Variants in SRD5A2 observed in about 807,000 individuals in gnomAD.
The protein encoded by SRD5A2 is 3-oxo-5-alpha-steroid 4-dehydrogenase 2.
A neutral mutation model predicts 27.4 loss-of-function variants in SRD5A2; 30 were observed. The observed-to-expected ratio is 1.10, with a 90% CI of 0.82 to 1.49. The LOEUF (loss-of-function observed/expected upper bound fraction) is 1.49. Ranked by LOEUF, SRD5A2 falls within the 40% of genes most tolerant of loss-of-function variation. The pLI, the probability that SRD5A2 is intolerant of heterozygous loss-of-function variation, is 0.00. For synonymous variants in SRD5A2, 141 were observed against 133.6 expected, an observed-to-expected ratio of 1.06 and a Z score of -0.38; for missense variants, 348 against 323.4, an observed-to-expected ratio of 1.08 and a Z score of -0.58.
chr2:31,630,003 C>T, the SRD5A2 span, among the ~76,000 whole-genome samples: 2 of 152,192 alleles, frequency 1.3e-5, no homozygotes, highest in South Asian at 2.1e-4. Flanking sequence ...TGGTGTCCCT[C>T]TCAATTTAGG....
chr2:31,549,377 G>T (rs1158956829), intron 1 of SRD5A2, among the ~76,000 whole-genome samples: 1 of 151,866 alleles, frequency 6.6e-6, no homozygotes, highest in African/African-American at 2.4e-5. Flanking sequence ...CTTCCAAAGT[G>T]CTGGGATTAC....
At chr2:31,649,380 C>T in the SRD5A2 span, among the ~76,000 whole-genome samples, 1 of 152,170 alleles carries the variant, frequency 6.6e-6, no homozygotes, top group Non-Finnish European at 1.5e-5. Flanking sequence ...AAGCAATTGA[C>T]ACCCAACACC....
At chr2:31,623,903 A>G in the SRD5A2 span, among the ~76,000 whole-genome samples, 2 of 152,074 alleles carry the variant, frequency 1.3e-5, no homozygotes, top group Admixed American at 1.3e-4. Flanking sequence ...GATAAATAAC[A>G]TTGATTAATT....
At chr2:31,538,250 G>A (rs1322631782) in intron 1 of SRD5A2, among the ~76,000 whole-genome samples, 3 of 152,098 alleles carry the variant, frequency 2.0e-5, no homozygotes, top group Non-Finnish European at 2.9e-5. Flanking sequence ...CCCCATCTCA[G>A]TAAATGCCAA....
intron 1 of SRD5A2, among the ~76,000 whole-genome samples, chr2:31,558,592 C>T (rs1394802240): frequency 2.0e-5 from 3 of 152,206 alleles, no homozygotes; most frequent in Non-Finnish European, 4.4e-5. Context: ...TTTCTCTCCT[C>T]TTATGAGGAC....
At chr2:31,536,949 A>G (rs996437664) in intron 1 of SRD5A2, among the ~76,000 whole-genome samples, 3 of 152,220 alleles carry the variant, frequency 2.0e-5, no homozygotes, top group Admixed American at 1.3e-4. Context: ...CTCTGTAAAT[A>G]TAAAGTTTTT....
At chr2:31,633,186 G>T in the SRD5A2 span, among the ~76,000 whole-genome samples, 3 of 152,268 alleles carry the variant, frequency 2.0e-5, no homozygotes, top group East Asian at 5.8e-4. Context: ...TACTCAACAG[G>T]ATAAATTGAA....
the SRD5A2 span, among the ~76,000 whole-genome samples, chr2:31,610,078 T>C: frequency 6.6e-6 from 1 of 152,172 alleles, no homozygotes; most frequent in African/African-American, 2.4e-5. Context: ...TCACTGTTAA[T>C]TTCTGCTAAA....
the SRD5A2 span, among the ~76,000 whole-genome samples, chr2:31,605,739 G>T: frequency 2.7e-5 from 4 of 149,802 alleles, no homozygotes; most frequent in African/African-American, 9.9e-5. Context: ...TAGTTTGGAG[G>T]ATCAAAAAAA....
At chr2:31,537,579 C>T (rs1242795896) in intron 1 of SRD5A2, among the ~76,000 whole-genome samples, 1 of 152,198 alleles carries the variant, frequency 6.6e-6, no homozygotes, top group Non-Finnish European at 1.5e-5. Context: ...TTTTCCTTTG[C>T]TGGTTTCTCC....
At chr2:31,646,026 TC>T in the SRD5A2 span, among the ~76,000 whole-genome samples, 1 of 152,154 alleles carries the variant, frequency 6.6e-6, no homozygotes, top group Non-Finnish European at 1.5e-5. Context: ...CAACTTTACC[TC>T]CTTCATCTTT....
In SRD5A2 at chr2:31,573,175, C is replaced by A. The variant is rs557972830; in HGVS notation, c.281+7445G>T. Among the ~76,000 whole-genome samples the A allele has an allele frequency of 8.4e-4, 128 of 152,300 alleles. 1 individual carries two copies. The highest frequency in any genetic ancestry group is 2.8e-3 in the African/African-American group (118 of 41,568). ...CCACTCACTCCATCAATGCTCTGCA[C>A]TGCAATCACTTGTAAAATAGCACTA... On this transcript the variant is annotated intron_variant, in intron 1 of 4. Transcript: ENST00000622030.
the SRD5A2 span, among the ~76,000 whole-genome samples, chr2:31,646,370 T>G: frequency 6.6e-6 from 1 of 152,174 alleles, no homozygotes; most frequent in African/African-American, 2.4e-5. Flanking sequence ...TTTTCTCCAG[T>G]TGCTTCCTAA....
the SRD5A2 span, among the ~76,000 whole-genome samples, chr2:31,633,568 T>C: frequency 1.3e-5 from 2 of 152,186 alleles, no homozygotes; most frequent in Admixed American, 6.5e-5. Context: ...AGATCTACCA[T>C]GGTCCCCTGG....
upstream of SRD5A2, among the ~76,000 whole-genome samples, chr2:31,581,776 C>A (rs970295801): frequency 3.9e-5 from 6 of 152,206 alleles, no homozygotes; most frequent in Non-Finnish European, 8.8e-5. Flanking sequence ...ATGCCCTTTC[C>A]CAGCTCCTAG....
At chr2:31,544,929 C>G (rs1280024523) in intron 1 of SRD5A2, among the ~76,000 whole-genome samples, 1 of 151,616 alleles carries the variant, frequency 6.6e-6, no homozygotes, top group Non-Finnish European at 1.5e-5. Context: ...CAATTGTACC[C>G]CCCAAAATTG....
At chr2:31,554,568 A>G (rs1666453972) in intron 1 of SRD5A2, among the ~76,000 whole-genome samples, 1 of 152,218 alleles carries the variant, frequency 6.6e-6, no homozygotes, top group South Asian at 2.1e-4. Flanking sequence ...AAAAACAGAA[A>G]GATCATTTTG....
chr2:31,579,442 C>G (rs748247217), intron 1 of SRD5A2, among the ~76,000 whole-genome samples: 1 of 152,174 alleles, frequency 6.6e-6, no homozygotes, highest in African/African-American at 2.4e-5. Flanking sequence ...CAAAATAAGG[C>G]AAAACCTTCA....
At chr2:31,624,842 T>A in the SRD5A2 span, among the ~76,000 whole-genome samples, 3 of 151,882 alleles carry the variant, frequency 2.0e-5, no homozygotes, top group Non-Finnish European at 4.4e-5. Flanking sequence ...GTCTTTACAG[T>A]AGCATGATTT....
Sources: gnomAD v4.1 joint callset for allele counts (sites outside exome capture counted in the v4.1 genomes callset) on GRCh38, gnomAD v4.1.1 for gene constraint, MANE v1.5 for transcripts, NCBI Gene and HGNC (gene_info 2026-07-23, HGNC 2026-07-21) for gene names.